Variants in IFT57 observed in about 807,000 individuals in gnomAD.
The protein encoded by IFT57 is intraflagellar transport 57.
In IFT57, 59 loss-of-function variants were observed where a neutral mutation model predicts 56.8. That is an observed-to-expected ratio of 1.04 (90% CI 0.84 to 1.29). The LOEUF is 1.29. IFT57 is among the 50% of genes most tolerant of loss of function. The pLI is 0.00. For synonymous variants in IFT57, 209 were observed against 186.1 expected (o/e 1.12, Z -1.00); for missense variants, 470 against 522.1 (o/e 0.90, Z 0.97).
chr3:108,164,460 T>C (rs1283655011), intron 9 of IFT57, among the ~76,000 whole-genome samples: 1 of 152,094 alleles, frequency 6.6e-6, no homozygotes, highest in African/African-American at 2.4e-5. Flanking sequence ...AGGCTTTATT[T>C]TTATCATACT....
chr3:108,176,231 C>T (rs2080123380), intron 6 of IFT57, among the ~76,000 whole-genome samples: 1 of 151,808 alleles, frequency 6.6e-6, no homozygotes, highest in African/African-American at 2.4e-5. Context: ...CCATTTAAGA[C>T]ATCTGCATTT....
chr3:108,164,213 G>T (rs1560098985), intron 9 of IFT57, among the ~76,000 whole-genome samples: 1 of 151,670 alleles, frequency 6.6e-6, no homozygotes, highest in Non-Finnish European at 1.5e-5. Context: ...ATATCATATG[G>T]CTATATATAA....
At chr3:108,213,518 T>C (rs1362028382) in intron 4 of IFT57, among the ~76,000 whole-genome samples, 1 of 152,222 alleles carries the variant, frequency 6.6e-6, no homozygotes, top group African/African-American at 2.4e-5. Context: ...AAAAAATTCC[T>C]ACTCATCCTA....
At chr3:108,177,319 T>C (rs78407018) in intron 6 of IFT57, among the ~76,000 whole-genome samples, 4,937 of 151,724 alleles carry the variant, frequency 0.033, 143 homozygotes, top group Non-Finnish European at 0.048. Context: ...AACTCTACCA[T>C]ACAATAGAAA....
intron 6 of IFT57, among the ~76,000 whole-genome samples, chr3:108,180,160 AATAAT>A (rs1291435138): frequency 6.6e-6 from 1 of 152,042 alleles, no homozygotes; most frequent in East Asian, 1.9e-4. Context: ...CTTTTAGTGA[AATAAT>A]TACATTTCTA....
At chr3:108,177,961 G>A (rs941789597) in intron 6 of IFT57, among the ~76,000 whole-genome samples, 2 of 151,580 alleles carry the variant, frequency 1.3e-5, no homozygotes, top group African/African-American at 4.8e-5. Flanking sequence ...ACTGTTTAAA[G>A]TGAATTTAAC....
chr3:108,167,874 T>G lies in IFT57; in HGVS notation c.778-10A>C, dbSNP rs768554501. ...CATGGATTCTCCAATCCTACAGGCATAGAGCACATAGAAATAATGTAAAAA... is the reference window on the plus strand; with the variant it reads ...CATGGATTCTCCAATCCTACAGGCAGAGAGCACATAGAAATAATGTAAAAA... On this transcript the variant is annotated splice_polypyrimidine_tract_variant and intron_variant, in intron 6 of 10. Coordinates refer to ENST00000264538, the MANE Select transcript of IFT57 (RefSeq NM_018010.4). The G allele has an allele frequency of 3.2e-6, 5 of 1,558,090 alleles. No homozygotes were observed. Among genetic ancestry groups the G allele is most frequent in the Non-Finnish European group, 4.3e-6 (5 of 1,152,230 alleles).
rs1324276561 is a variant in IFT57, at chr3:108,193,453, C to T, written c.655-1810G>A. 2.6e-5 allele frequency among the ~76,000 whole-genome samples: 4 copies of T among 152,152 alleles called. No individual in the cohort carries two copies. In the East Asian group the frequency reaches 7.7e-4, roughly 29 times the overall value. On this transcript the variant is annotated intron_variant, in intron 5 of 10. Transcript: ENST00000264538. ...AATGGATAACTAATACATGTTTTTA[C>T]ACTGTATAATATGTGGTCTGAATGT...
chr3:108,196,889 A>G (rs2108319817), intron 5 of IFT57, among the ~76,000 whole-genome samples: 1 of 152,300 alleles, frequency 6.6e-6, no homozygotes, highest in Non-Finnish European at 1.5e-5. Flanking sequence ...ACATTAACTG[A>G]GCAAGCCCTA....
rs2080040509 is a variant in IFT57 at position 108,162,674 on chromosome 3, A to G, written c.1112-19T>C. On this transcript the variant is annotated intron_variant, in intron 10 of 10. Transcript: ENST00000264538. ...AAAGGAGCTGCAGAATGAAAATAAC[A>G]TGAAATAAAAATGTTCATTTGGAGT... The G allele has an allele frequency of 6.4e-7, 1 of 1,559,446 alleles. No homozygotes were observed. Among genetic ancestry groups the G allele is most frequent in the South Asian group, 1.2e-5 (1 of 84,192 alleles).
At chr3:108,168,783 T>G (rs554091677) in intron 6 of IFT57, among the ~76,000 whole-genome samples, 1 of 152,180 alleles carries the variant, frequency 6.6e-6, no homozygotes, top group Non-Finnish European at 1.5e-5. Flanking sequence ...CTGAGAATGA[T>G]GGCTCCCAGC....
intron 5 of IFT57, among the ~76,000 whole-genome samples, chr3:108,198,617 T>C (rs1328819305): frequency 6.6e-6 from 1 of 152,078 alleles, no homozygotes; most frequent in African/African-American, 2.4e-5. Context: ...GATTTTTGTA[T>C]TTTTAGTAGA....
intron 5 of IFT57, among the ~76,000 whole-genome samples, chr3:108,203,131 G>T (rs1244899971): frequency 6.6e-6 from 1 of 152,216 alleles, no homozygotes; most frequent in African/African-American, 2.4e-5. Flanking sequence ...ATTTCACCTG[G>T]AGTATGCCCT....
chr3:108,191,504 T>A lies in IFT57; in HGVS notation c.777+17A>T. On this transcript the variant is annotated intron_variant, in intron 6 of 10. Transcript: ENST00000264538. The stretch of plus-strand genomic sequence containing the variant: ...ACTTTTTTTTTTTTTTAAGAAAATG[T>A]GTTCCCACTTTGATACCTTATTGTC... 6.5e-7 allele frequency: 1 copy of A among 1,531,758 alleles called. No individual in the cohort carries two copies. Among genetic ancestry groups the A allele is most frequent in the South Asian group, 1.3e-5 (1 of 76,672 alleles). 94.9% of individuals were successfully genotyped at this position (1,531,758 alleles called of 1,614,324 possible). A position where few individuals can be genotyped will look rare whatever the true frequency, so the allele number is the denominator to read the frequency against.
At chr3:108,217,482 C>A (rs2080379090) in intron 3 of IFT57, among the ~76,000 whole-genome samples, 1 of 151,750 alleles carries the variant, frequency 6.6e-6, no homozygotes, top group African/African-American at 2.4e-5. Context: ...TTATATTGTA[C>A]TAAATAATAA....
intron 5 of IFT57, among the ~76,000 whole-genome samples, chr3:108,195,189 A>C (rs1307734314): frequency 1.3e-5 from 2 of 152,204 alleles, no homozygotes; most frequent in Non-Finnish European, 2.9e-5. Context: ...TCTCAAAACA[A>C]GTCATACAAA....
chr3:108,198,404 C>T (rs1247089927), intron 5 of IFT57, among the ~76,000 whole-genome samples: 2 of 152,108 alleles, frequency 1.3e-5, no homozygotes, highest in African/African-American at 2.4e-5. Context: ...AACTATAACA[C>T]TTGTCACTCC....
chr3:108,212,130 G>A (rs1181497490), intron 4 of IFT57, among the ~76,000 whole-genome samples: 1 of 152,146 alleles, frequency 6.6e-6, no homozygotes, highest in Non-Finnish European at 1.5e-5. Context: ...CTACAGGCAT[G>A]CACCACCATG....
chr3:108,183,717 G>T (rs1322794491), intron 6 of IFT57, among the ~76,000 whole-genome samples: 4 of 152,082 alleles, frequency 2.6e-5, no homozygotes, highest in Admixed American at 6.6e-5. Context: ...GGTCTCACTT[G>T]CGTGGTCTCC....
Sources: gnomAD v4.1 joint callset for allele counts (sites outside exome capture counted in the v4.1 genomes callset) on GRCh38, gnomAD v4.1.1 for gene constraint, MANE v1.5 for transcripts, NCBI Gene and HGNC (gene_info 2026-07-23, HGNC 2026-07-21) for gene names.